Variants in ZBBX observed in about 807,000 individuals in gnomAD.
The protein encoded by ZBBX is zinc finger B-box domain containing, also known as zinc finger B-box domain-containing protein 1.
Under a neutral mutation model 108.5 loss-of-function variants are expected in ZBBX, and 101 were observed. The ratio of observed to expected loss-of-function variants is 0.93; its 90% CI spans 0.79 to 1.10. The LOEUF is 1.10. Ranked by LOEUF, ZBBX falls within the 50% of genes least tolerant of loss-of-function variation. ZBBX has a pLI of 0.00. For synonymous variants in ZBBX, 356 were observed against 323.4 expected, an observed-to-expected ratio of 1.10 and a Z score of -1.08; for missense variants, 1,009 against 941.4, an observed-to-expected ratio of 1.07 and a Z score of -0.94.
chr3:167,367,967 T>A (rs1240511650), intron 5 of ZBBX, among the ~76,000 whole-genome samples: 1 of 21,960 alleles, frequency 4.6e-5, no homozygotes, highest in African/African-American at 1.4e-4. Flanking sequence ...ATTATATATA[T>A]GTATATATAT....
At chr3:167,402,214 C>G (rs6763755) in intron 1 of ZBBX, among the ~76,000 whole-genome samples, 69 of 152,288 alleles carry the variant, frequency 4.5e-4, no homozygotes, top group African/African-American at 1.5e-3. Flanking sequence ...GATAAGCAGA[C>G]AGAAATCATT....
intron 20 of ZBBX, among the ~76,000 whole-genome samples, chr3:167,267,342 A>G (rs1390427224): frequency 6.6e-6 from 1 of 152,178 alleles, no homozygotes; most frequent in Non-Finnish European, 1.5e-5. Context: ...TCCTCATACA[A>G]GGGAATTGAG....
the ZBBX span, among the ~76,000 whole-genome samples, chr3:167,213,588 A>T: frequency 6.6e-6 from 1 of 152,154 alleles, no homozygotes; most frequent in East Asian, 1.9e-4. Flanking sequence ...CCTGAAAGGG[A>T]GGGGGAGAAA....
intron 20 of ZBBX, among the ~76,000 whole-genome samples, chr3:167,250,124 T>C (rs1446354726): frequency 6.6e-6 from 1 of 152,250 alleles, no homozygotes; most frequent in Non-Finnish European, 1.5e-5. Flanking sequence ...AGGTAGCTCC[T>C]GACATCAGGA....
At chr3:167,355,487 C>T (rs1002790799) in intron 8 of ZBBX, among the ~76,000 whole-genome samples, 3 of 151,860 alleles carry the variant, frequency 2.0e-5, no homozygotes, top group Non-Finnish European at 4.4e-5. Context: ...AAGCCCTTAA[C>T]TCCTATCTCC....
intron 8 of ZBBX, among the ~76,000 whole-genome samples, chr3:167,356,622 T>C (rs1743623968): frequency 6.6e-6 from 1 of 152,160 alleles, no homozygotes; most frequent in South Asian, 2.1e-4. Context: ...AAAATATGTG[T>C]AAATTAAGAG....
chr3:167,303,088 TGA>T (rs1320398451), intron 17 of ZBBX, among the ~76,000 whole-genome samples: 1 of 152,144 alleles, frequency 6.6e-6, no homozygotes, highest in Non-Finnish European at 1.5e-5. Flanking sequence ...CAAAAAAACA[TGA>T]GAGACCCAAG....
chr3:167,229,825 A>G, the ZBBX span, among the ~76,000 whole-genome samples: 1 of 151,854 alleles, frequency 6.6e-6, no homozygotes, highest in Admixed American at 6.6e-5. Context: ...TATTTAAACA[A>G]TGTTTTTCAA....
At position 167,388,914 on chromosome 3, in the gene ZBBX, A is replaced by G. The variant is rs1313769020; in HGVS notation, c.-445-8509T>C. Among the ~76,000 whole-genome samples, 5 of 151,980 alleles carry G rather than the reference A, an allele frequency of 3.3e-5. No individual in the cohort carries two copies. The Middle Eastern group carries it at 0.01, about 310-fold the overall frequency. On this transcript the variant is annotated intron_variant, in intron 1 of 21. Transcript: ENST00000455345. ...CATTTCTTTTATAATAAGCTTCAACATTTTCTAATGACAGTTTGTATTTCT... is the reference window on the plus strand; with the variant it reads ...CATTTCTTTTATAATAAGCTTCAACGTTTTCTAATGACAGTTTGTATTTCT...
the ZBBX span, among the ~76,000 whole-genome samples, chr3:167,226,412 A>G: frequency 0.013 from 2,023 of 151,864 alleles, 22 homozygotes; most frequent in South Asian, 0.026. Flanking sequence ...ATTATTAAGC[A>G]AAGAGTAGTT....
chr3:167,253,158 G>A (rs1722902884), intron 20 of ZBBX, among the ~76,000 whole-genome samples: 1 of 152,048 alleles, frequency 6.6e-6, no homozygotes, highest in Non-Finnish European at 1.5e-5. Context: ...TAAACAAAGG[G>A]ATACAATTGA....
intron 14 of ZBBX, among the ~76,000 whole-genome samples, chr3:167,316,410 T>C (rs1271360781): frequency 2.6e-5 from 4 of 152,092 alleles, no homozygotes. Flanking sequence ...ATTCAGCTAC[T>C]ATATTACTAG....
chr3:167,314,573 A>G (rs547211993), intron 15 of ZBBX, among the ~76,000 whole-genome samples: 1 of 152,318 alleles, frequency 6.6e-6, no homozygotes, highest in East Asian at 1.9e-4. Flanking sequence ...CTATATGCAT[A>G]GTTACAATTT....
At chr3:167,224,926 A>C in the ZBBX span, among the ~76,000 whole-genome samples, 4 of 151,986 alleles carry the variant, frequency 2.6e-5, no homozygotes, top group East Asian at 7.8e-4. Context: ...TATCCTCCAC[A>C]GAATTTACAT....
intron 19 of ZBBX, among the ~76,000 whole-genome samples, chr3:167,288,442 C>G (rs906951474): frequency 2.6e-5 from 4 of 152,118 alleles, no homozygotes; most frequent in African/African-American, 9.7e-5. Flanking sequence ...CAGCAAGAAA[C>G]AGCATCTTAA....
At chr3:167,276,618 C>T (rs945843155) in intron 20 of ZBBX, among the ~76,000 whole-genome samples, 3 of 152,136 alleles carry the variant, frequency 2.0e-5, no homozygotes, top group South Asian at 2.1e-4. Flanking sequence ...CTACGTCTGA[C>T]TGGTGTACCT....
At chr3:167,358,025 G>T (rs530789615) in intron 8 of ZBBX, among the ~76,000 whole-genome samples, 2 of 152,028 alleles carry the variant, frequency 1.3e-5, no homozygotes, top group Non-Finnish European at 2.9e-5. Context: ...GGGGACTGTT[G>T]TTGAGAGGGG....
chr3:167,277,773 T>C (rs1043206233), intron 20 of ZBBX, among the ~76,000 whole-genome samples: 384 of 152,192 alleles, frequency 2.5e-3, no homozygotes, highest in Non-Finnish European at 2.6e-3. Flanking sequence ...CAGAACTCTC[T>C]ACCCCAAATC....
In ZBBX at chr3:167,298,393, G is replaced by T; in HGVS notation, c.1791C>A (p.Phe597Leu). 5 of 1,597,090 alleles carry T rather than the reference G, an allele frequency of 3.1e-6. No individual in the cohort carries two copies. Among genetic ancestry groups the T allele is most frequent in the Non-Finnish European group, 4.3e-6 (5 of 1,169,960 alleles). ...ITKQYQGLER[F>L]FIFDTNERLN... Reference sequence around the variant, plus strand: ...GTCTTTCATTTGTATCAAAAATAAAGAATCTCTCAAGTCCTTGATATTGTT... The same window carrying T: ...GTCTTTCATTTGTATCAAAAATAAATAATCTCTCAAGTCCTTGATATTGTT... Residue 597 changes from phenylalanine (F) to leucine (L), a missense_variant, in exon 18 of 22, where the codon TTC becomes TTA. Transcript: ENST00000675490.
Sources: allele counts gnomAD v4.1 joint callset (sites outside exome capture counted in the v4.1 genomes callset), GRCh38; gene constraint gnomAD v4.1.1; transcripts MANE v1.5; gene names NCBI Gene and HGNC (gene_info 2026-07-23, HGNC 2026-07-21).